EYA4: variants seen among roughly 807,000 people sequenced by gnomAD.
EYA4 encodes protein phosphatase EYA4.
A neutral mutation model predicts 87.9 loss-of-function variants in EYA4; 31 were observed. That is an observed-to-expected ratio of 0.35 (90% CI 0.27 to 0.48). The LOEUF (loss-of-function observed/expected upper bound fraction) is 0.48. Ranked by LOEUF, EYA4 falls within the 20% of genes least tolerant of loss-of-function variation. The pLI is 0.99. For synonymous variants in EYA4, 263 were observed against 270.6 expected (o/e 0.97, Z 0.28); for missense variants, 678 against 761.4 (o/e 0.89, Z 1.29).
intron 2 of EYA4, among the ~76,000 whole-genome samples, chr6:133,349,003 G>A (rs1383967198): frequency 2.6e-5 from 4 of 152,160 alleles, no homozygotes; most frequent in African/African-American, 9.7e-5. Context: ...GACATTGTCT[G>A]TTATCTGTCT....
chr6:133,363,201 T>C (rs1328337921), intron 2 of EYA4: 1 of 152,208 alleles, frequency 6.6e-6, no homozygotes, highest in Admixed American at 6.5e-5. Flanking sequence ...GACTGTACTA[T>C]GGATGTTTAT....
intron 2 of EYA4, among the ~76,000 whole-genome samples, chr6:133,381,393 A>G (rs1786205295): frequency 6.6e-6 from 1 of 152,162 alleles, no homozygotes; most frequent in Non-Finnish European, 1.5e-5. Flanking sequence ...TGTGAGTTGG[A>G]AAGACAATGC....
intron 2 of EYA4, among the ~76,000 whole-genome samples, chr6:133,362,857 CT>C (rs1170202355): frequency 6.6e-6 from 1 of 152,216 alleles, no homozygotes; most frequent in Non-Finnish European, 1.5e-5. Context: ...TCTACTTCAG[CT>C]TTAGCTTCTT....
chr6:133,337,910 C>T (rs1324263982), intron 2 of EYA4, among the ~76,000 whole-genome samples: 1 of 152,142 alleles, frequency 6.6e-6, no homozygotes, highest in African/African-American at 2.4e-5. Context: ...GAGAATTTCG[C>T]AGATTGGGGT....
chr6:133,378,420 A>G (rs1334864592), intron 2 of EYA4, among the ~76,000 whole-genome samples: 2 of 152,178 alleles, frequency 1.3e-5, no homozygotes, highest in African/African-American at 4.8e-5. Flanking sequence ...TGCTTAATAA[A>G]TGGCAGTAAT....
chr6:133,508,797 G>A (rs1273493115), intron 14 of EYA4, among the ~76,000 whole-genome samples: 2 of 152,092 alleles, frequency 1.3e-5, no homozygotes, highest in Non-Finnish European at 2.9e-5. Context: ...TTTAGTTCAG[G>A]TACTATGTTA....
intron 11 of EYA4, among the ~76,000 whole-genome samples, chr6:133,480,930 G>GAAATGGGAGAGGTGGAAGGGA (rs1269039764): frequency 7.0e-6 from 1 of 142,888 alleles, no homozygotes. Context: ...GTGACCCCAA[G>GAAATGGGAGAGGTGGAAGGGA]AAATGGGAGA....
At chr6:133,433,377 G>A (rs1265767886) in intron 3 of EYA4, among the ~76,000 whole-genome samples, 2 of 152,194 alleles carry the variant, frequency 1.3e-5, no homozygotes, top group Admixed American at 6.5e-5. Flanking sequence ...GGATATTTAT[G>A]AGAAAAAGAC....
chr6:133,354,358 G>A (rs989860723), intron 2 of EYA4, among the ~76,000 whole-genome samples: 4 of 151,984 alleles, frequency 2.6e-5, no homozygotes, highest in Non-Finnish European at 5.9e-5. Flanking sequence ...TGGACATCAT[G>A]GCAGTGATGG....
intron 2 of EYA4, among the ~76,000 whole-genome samples, chr6:133,301,175 AT>A (rs1367971726): frequency 2.0e-5 from 3 of 152,238 alleles, no homozygotes; most frequent in African/African-American, 7.2e-5. Context: ...TATTATAATC[AT>A]AAGAGTATAT....
chr6:133,362,174 CTTA>C (rs1784497880), intron 2 of EYA4, among the ~76,000 whole-genome samples: 1 of 152,122 alleles, frequency 6.6e-6, no homozygotes, highest in African/African-American at 2.4e-5. Flanking sequence ...CATTTTACAG[CTTA>C]TCCCCTCCTG....
chr6:133,503,245 A>G (rs1027421038), intron 13 of EYA4, among the ~76,000 whole-genome samples: 4 of 152,224 alleles, frequency 2.6e-5, no homozygotes, highest in Admixed American at 6.5e-5. Context: ...AGAAGCATGG[A>G]ATTGATCAAA....
rs767862152 is a variant in EYA4 at position 133,502,072 on chromosome 6, ACT to A, written c.1192-4019_1192-4018del. Among the ~76,000 whole-genome samples, 8 of 119,846 alleles carry A rather than the reference ACT, an allele frequency of 6.7e-5. No homozygotes were observed. The South Asian group carries it at 8.5e-4, about 13-fold the overall frequency. The allele number at this position is 119,846 out of a possible 152,430, so 78.6% of individuals were successfully genotyped here. A position where few individuals can be genotyped will look rare whatever the true frequency, so the allele number is the denominator to read the frequency against. On this transcript the variant is annotated intron_variant, in intron 13 of 19. Coordinates refer to ENST00000355286, the MANE Select transcript of EYA4 (RefSeq NM_004100.5). The stretch of plus-strand genomic sequence containing the variant: ...CTCTCTCTCTCTCTCTCTCTCTCTC[ACT>A]CTCTCTCTCTCTCTATTCAGTAAAA...
chr6:133,419,744 A>G (rs1790058996), intron 3 of EYA4, among the ~76,000 whole-genome samples: 1 of 152,230 alleles, frequency 6.6e-6, no homozygotes, highest in African/African-American at 2.4e-5. Flanking sequence ...AGTGCAACAC[A>G]ATGCAACAAT....
intron 2 of EYA4, among the ~76,000 whole-genome samples, chr6:133,382,026 C>T (rs1786269428): frequency 6.6e-6 from 1 of 152,100 alleles, no homozygotes; most frequent in African/African-American, 2.4e-5. Flanking sequence ...TTATTATGTG[C>T]TTTTAGTAGG....
chr6:133,301,822 T>G (rs1450209165), intron 2 of EYA4, among the ~76,000 whole-genome samples: 1 of 152,226 alleles, frequency 6.6e-6, no homozygotes, highest in Non-Finnish European at 1.5e-5. Context: ...TTTGCCAGTT[T>G]GCATTTTGAA....
At chr6:133,438,049 A>AT (rs1427895587) in intron 3 of EYA4, among the ~76,000 whole-genome samples, 1 of 152,190 alleles carries the variant, frequency 6.6e-6, no homozygotes, top group East Asian at 1.9e-4. Context: ...TTCTGTATAA[A>AT]TTGGAATTAA....
intron 2 of EYA4, among the ~76,000 whole-genome samples, chr6:133,323,057 A>T (rs997599928): frequency 6.7e-6 from 1 of 149,122 alleles, no homozygotes; most frequent in African/African-American, 2.5e-5. Flanking sequence ...ATCTATGTCT[A>T]TATCAGTATA....
At chr6:133,258,215 G>C (rs1234397329) in intron 1 of EYA4, among the ~76,000 whole-genome samples, 1 of 151,970 alleles carries the variant, frequency 6.6e-6, no homozygotes, top group Non-Finnish European at 1.5e-5. Context: ...GTGGGGACGA[G>C]GAAAAACCAT....
Sources: gnomAD v4.1 joint callset for allele counts (sites outside exome capture counted in the v4.1 genomes callset) on GRCh38, gnomAD v4.1.1 for gene constraint, MANE v1.5 for transcripts, NCBI Gene and HGNC (gene_info 2026-07-23, HGNC 2026-07-21) for gene names.